Variants in ZNF385D observed in about 807,000 individuals in gnomAD.
ZNF385D encodes zinc finger protein 385D, also known as zinc finger protein 659.
A neutral mutation model predicts 35.8 loss-of-function variants in ZNF385D; 15 were observed. That is an observed-to-expected ratio of 0.42 (90% confidence interval 0.28 to 0.64). The LOEUF is 0.64. Ranked by LOEUF, ZNF385D falls within the 30% of genes least tolerant of loss-of-function variation. ZNF385D has a pLI of 0.23. For missense variants in ZNF385D, 474 were observed against 494.6 expected (o/e 0.96, Z 0.39); for synonymous variants, 212 against 186.8 (o/e 1.13, Z -1.10).
At chr3:21,954,752 C>A (rs940758180) in intron 3 of ZNF385D, among the ~76,000 whole-genome samples, 1 of 152,128 alleles carries the variant, frequency 6.6e-6, no homozygotes, top group Non-Finnish European at 1.5e-5. Flanking sequence ...GGACTCAAAA[C>A]AATTTCCTAA....
chr3:22,121,383 A>T (rs968137611), intron 3 of ZNF385D, among the ~76,000 whole-genome samples: 2 of 152,208 alleles, frequency 1.3e-5, no homozygotes, highest in South Asian at 4.1e-4. Context: ...GATTTAACTC[A>T]GCATGCATAA....
chr3:21,703,087 T>C lies in ZNF385D; in HGVS notation c.23-38059A>G, dbSNP rs138693495. 3.4e-3 allele frequency among the ~76,000 whole-genome samples: 518 copies of C among 152,266 alleles called. 4 individuals carry two copies. The highest frequency in any genetic ancestry group is 0.012 in the African/African-American group (488 of 41,564). On this transcript the variant is annotated intron_variant, in intron 1 of 7. Transcript: ENST00000281523. ...ACTCTACTGGTACCAATTTACTGTATTAGCCAATTTTCACGCTGCTGATAA... is the reference window on the plus strand; with the variant it reads ...ACTCTACTGGTACCAATTTACTGTACTAGCCAATTTTCACGCTGCTGATAA...
intron 1 of ZNF385D, among the ~76,000 whole-genome samples, chr3:21,716,043 C>T (rs1353020839): frequency 1.3e-5 from 2 of 151,998 alleles, no homozygotes; most frequent in Non-Finnish European, 2.9e-5. Flanking sequence ...CCTGAATAAC[C>T]CTGAAACTTT....
At chr3:21,703,894 T>C (rs936351966) in intron 1 of ZNF385D, among the ~76,000 whole-genome samples, 1 of 152,216 alleles carries the variant, frequency 6.6e-6, no homozygotes, top group Non-Finnish European at 1.5e-5. Context: ...CCATACACTC[T>C]AGCACTATGC....
At chr3:21,531,011 C>T (rs1260563446) in intron 3 of ZNF385D, among the ~76,000 whole-genome samples, 2 of 152,068 alleles carry the variant, frequency 1.3e-5, no homozygotes, top group Admixed American at 1.3e-4. Flanking sequence ...CACTTGCCAA[C>T]CACAAGAGTT....
intron 6 of ZNF385D, among the ~76,000 whole-genome samples, chr3:21,424,317 A>ATATATATTTTT (rs1221923155): frequency 1.6e-5 from 1 of 63,812 alleles, no homozygotes; most frequent in African/African-American, 6.1e-5. Context: ...ATATATATAT[A>ATATATATTTTT]TTTTTTTTTT....
intron 3 of ZNF385D, among the ~76,000 whole-genome samples, chr3:21,855,898 T>G (rs764599496): frequency 3.3e-5 from 5 of 151,832 alleles, no homozygotes; most frequent in South Asian, 2.1e-4. Context: ...CTTGCTGAGG[T>G]TTTTAGAGGT....
chr3:22,074,301 G>T (rs1700365093), intron 3 of ZNF385D, among the ~76,000 whole-genome samples: 1 of 151,924 alleles, frequency 6.6e-6, no homozygotes, highest in Admixed American at 6.6e-5. Context: ...GAAATAATTA[G>T]ATACATAGTT....
At chr3:22,204,199 G>C (rs7635222) in intron 2 of ZNF385D, among the ~76,000 whole-genome samples, 1,678 of 152,136 alleles carry the variant, frequency 0.011, 25 homozygotes, top group African/African-American at 0.038. Flanking sequence ...AAGAGTTTCT[G>C]TCTGGTAATC....
intron 3 of ZNF385D, among the ~76,000 whole-genome samples, chr3:21,783,056 G>A (rs1012097758): frequency 6.6e-6 from 1 of 152,202 alleles, no homozygotes; most frequent in East Asian, 1.9e-4. Context: ...AGATCTTCAC[G>A]ATTGGTAACT....
intron 2 of ZNF385D, among the ~76,000 whole-genome samples, chr3:21,590,452 CTTTGTATA>C (rs2063942003): frequency 6.6e-6 from 1 of 151,924 alleles, no homozygotes. Context: ...TACATATATA[CTTTGTATA>C]TTTGTATACA....
At chr3:22,163,670 T>C (rs74437963) in intron 3 of ZNF385D, among the ~76,000 whole-genome samples, 2,687 of 152,310 alleles carry the variant, frequency 0.018, 64 homozygotes, top group South Asian at 0.11. Context: ...TATGCATTAT[T>C]TTATTTGCAT....
At chr3:21,896,988 A>G (rs1339544682) in intron 3 of ZNF385D, among the ~76,000 whole-genome samples, 1 of 152,092 alleles carries the variant, frequency 6.6e-6, no homozygotes, top group Non-Finnish European at 1.5e-5. Flanking sequence ...GTGAGGAATG[A>G]GTTACAATTA....
At position 21,841,141 on chromosome 3, in the gene ZNF385D, T is replaced by G. The variant is rs187685722; in HGVS notation, c.326-176113A>C. Among the ~76,000 whole-genome samples the G allele has an allele frequency of 8.5e-5, 13 of 152,178 alleles. No individual in the cohort carries two copies. The East Asian group carries it at 2.5e-3, about 29-fold the overall frequency. ...CAGAGCAATGATGGCACCTACTATG[T>G]ATATTACTCTGCAGCTTGTGTTTTT... On this transcript the variant is annotated intron_variant, in intron 3 of 5. Transcript: ENST00000494108.
intron 2 of ZNF385D, among the ~76,000 whole-genome samples, chr3:22,251,567 G>A (rs146876299): frequency 6.6e-6 from 1 of 152,074 alleles, no homozygotes; most frequent in African/African-American, 2.4e-5. Context: ...TTTGGTGGAG[G>A]GCTGTCTTGG....
At chr3:22,257,937 A>C (rs1700399294) in intron 2 of ZNF385D, among the ~76,000 whole-genome samples, 1 of 151,886 alleles carries the variant, frequency 6.6e-6, no homozygotes, top group Admixed American at 6.6e-5. Flanking sequence ...ATTATATTTA[A>C]TCTTACAATC....
At chr3:22,343,412 C>G (rs1695511455) in intron 2 of ZNF385D, among the ~76,000 whole-genome samples, 1 of 152,214 alleles carries the variant, frequency 6.6e-6, no homozygotes, top group Non-Finnish European at 1.5e-5. Flanking sequence ...TTCAGCCAGC[C>G]AGAGACCCCT....
chr3:22,139,414 A>C (rs1197383269), intron 3 of ZNF385D, among the ~76,000 whole-genome samples: 1 of 152,108 alleles, frequency 6.6e-6, no homozygotes, highest in Non-Finnish European at 1.5e-5. Context: ...GCACATATAC[A>C]CCATGGAATA....
chr3:21,613,341 A>AC (rs1365263969), intron 2 of ZNF385D, among the ~76,000 whole-genome samples: 189 of 128,806 alleles, frequency 1.5e-3, no homozygotes, highest in African/African-American at 5.2e-3. Context: ...AAGTCAGAAG[A>AC]TAAAAAAAAA....
Sources: gnomAD v4.1 joint callset for allele counts (sites outside exome capture counted in the v4.1 genomes callset) on GRCh38, gnomAD v4.1.1 for gene constraint, MANE v1.5 for transcripts, NCBI Gene and HGNC (gene_info 2026-07-23, HGNC 2026-07-21) for gene names.